Variants in USP8 observed in about 807,000 individuals in gnomAD.
The protein encoded by USP8 is ubiquitin specific peptidase 8, also known as ubiquitin carboxyl-terminal hydrolase 8.
In USP8, 27 loss-of-function variants were observed where a neutral mutation model predicts 130.0. The ratio of observed to expected loss-of-function variants is 0.21; its 90% CI spans 0.15 to 0.29. The LOEUF (loss-of-function observed/expected upper bound fraction) is 0.29, where lower values mean the gene tolerates loss of function less well. Among genes scored for constraint, USP8 ranks in the 10% least tolerant of loss-of-function variants. The probability of loss-of-function intolerance (pLI) is 1.00; values close to 1 mark genes in which losing one functional copy is unlikely to be tolerated. For missense variants in USP8, 1,029 were observed against 1,312.2 expected, an observed-to-expected ratio of 0.78 and a Z score of 3.33; for synonymous variants, 392 against 444.1, an observed-to-expected ratio of 0.88 and a Z score of 1.48.
intron 3 of USP8, among the ~76,000 whole-genome samples, chr15:50,441,765 AT>A (rs2050269092): frequency 6.6e-6 from 1 of 152,134 alleles, no homozygotes; most frequent in South Asian, 2.1e-4. Context: ...GTAATTAATA[AT>A]TGCCAGGTCA....
intron 1 of USP8, among the ~76,000 whole-genome samples, chr15:50,434,786 A>G (rs2050047016): frequency 6.6e-6 from 1 of 151,708 alleles, no homozygotes; most frequent in South Asian, 2.1e-4. Context: ...CGCCTGGCTA[A>G]TTTTTGTATT....
At chr15:50,431,069 G>A (rs527974925) in intron 1 of USP8, among the ~76,000 whole-genome samples, 47 of 152,098 alleles carry the variant, frequency 3.1e-4, no homozygotes, top group Middle Eastern at 3.4e-3. Flanking sequence ...GTTGAGAAAC[G>A]CTGCTGTAAA....
In USP8 at chr15:50,499,043, C is replaced by T. The variant is rs1182846231; in HGVS notation, c.3312C>T (p.Leu1104=). The change falls in exon 20 of 20, where the codon CTC becomes CTT. Residue 1104 remains leucine (L), a synonymous_variant. Transcript: ENST00000307179. ...TGAAATCTTCAGCAGCTTATATCCT[C>T]TTTTATACTTCATTGGGACCACGAG... ...SSVKSSAAYI[L]FYTSLGPRVT... The T allele has an allele frequency of 1.9e-6, 3 of 1,613,180 alleles. No homozygotes were observed. The highest frequency in any genetic ancestry group is 2.5e-6 in the Non-Finnish European group (3 of 1,179,622).
intron 7 of USP8, among the ~76,000 whole-genome samples, chr15:50,469,160 T>C (rs181344981): frequency 1.3e-5 from 2 of 152,332 alleles, no homozygotes; most frequent in East Asian, 3.9e-4. Flanking sequence ...TGTGTGAATA[T>C]AGCGCAATTT....
At chr15:50,493,982 A>C (rs2052277764) in intron 15 of USP8, 88 bp from the exon 16 acceptor site, 10 of 1,427,852 alleles carry the variant, frequency 7.0e-6, no homozygotes. Flanking sequence ...TATGTGAATA[A>C]TTTCATGTTG....
At chr15:50,453,031 G>A (rs1483339495) in intron 4 of USP8, among the ~76,000 whole-genome samples, 2 of 152,152 alleles carry the variant, frequency 1.3e-5, no homozygotes, top group East Asian at 1.9e-4. Flanking sequence ...GGAAAGTGGT[G>A]TTGATATTTC....
intron 1 of USP8, among the ~76,000 whole-genome samples, chr15:50,425,485 T>C (rs1329669263): frequency 6.6e-6 from 1 of 152,232 alleles, no homozygotes; most frequent in African/African-American, 2.4e-5. Flanking sequence ...TCATTCATGA[T>C]GGATTTGGGT....
intron 11 of USP8, among the ~76,000 whole-genome samples, chr15:50,483,310 T>C (rs1456433740): frequency 6.6e-6 from 1 of 152,222 alleles, no homozygotes; most frequent in Non-Finnish European, 1.5e-5. Flanking sequence ...TTCATATTTG[T>C]GGAGTCATTT....
chr15:50,446,211 G>A (rs1359117174), intron 3 of USP8, among the ~76,000 whole-genome samples: 2 of 152,114 alleles, frequency 1.3e-5, no homozygotes, highest in Non-Finnish European at 1.5e-5. Context: ...ATAATTGGAT[G>A]TTATCTTTTT....
Position 50,511,718 on chromosome 15 carries a change from C to T in USP8, c.*12630C>T, listed in dbSNP as rs1249109112. On this transcript the variant is annotated 3_prime_UTR_variant, in exon 20 of 20. Transcript: ENST00000307179. ...GTTTATTAAAATACCCAGAATAGGC[C>T]AGGCACTGTGGCTCACGCCTGTAAT... 1 of 152,206 alleles carries T rather than the reference C, an allele frequency of 6.6e-6. No individual in the cohort carries two copies. Among genetic ancestry groups the T allele is most frequent in the Non-Finnish European group, 1.5e-5 (1 of 68,046 alleles). 9.4% of individuals were successfully genotyped at this position (152,206 alleles called of 1,614,324 possible).
intron 17 of USP8, among the ~76,000 whole-genome samples, 180 bp downstream of exon 17, chr15:50,496,264 G>A (rs571414874): frequency 2.0e-5 from 3 of 152,092 alleles, no homozygotes; most frequent in East Asian, 1.9e-4. Flanking sequence ...GGCGGATCAC[G>A]AGGTCAGGAG....
chr15:50,487,873 A>C (rs1014787487), intron 12 of USP8, among the ~76,000 whole-genome samples: 3 of 152,174 alleles, frequency 2.0e-5, no homozygotes, highest in African/African-American at 7.2e-5. Flanking sequence ...TAAAATCCCT[A>C]AGGTCATAAT....
At chr15:50,494,412 A>G (rs556935036) in intron 16 of USP8, 132 bp downstream of exon 16, 11 of 714,308 alleles carry the variant, frequency 1.5e-5, no homozygotes, top group Non-Finnish European at 2.4e-5. Context: ...ACTGTATAAG[A>G]GAATTATAAA....
rs1405997135 is a variant in USP8 at position 50,508,381 on chromosome 15, C to T, written c.*9293C>T. On this transcript the variant is annotated 3_prime_UTR_variant, in exon 20 of 20. Coordinates refer to ENST00000307179, the MANE Select transcript of USP8 (RefSeq NM_005154.5). Reference sequence around the variant, plus strand: ...GATCATTTATTTTATATTCAAATATCTTGCTTCAGCAAGCTAGTTGATGGA... The same window carrying T: ...GATCATTTATTTTATATTCAAATATTTTGCTTCAGCAAGCTAGTTGATGGA... 1 of 152,096 alleles carries T rather than the reference C, an allele frequency of 6.6e-6. No individual in the cohort carries two copies. The highest frequency in any genetic ancestry group is 1.5e-5 in the Non-Finnish European group (1 of 68,024). 9.4% of individuals were successfully genotyped at this position (152,096 alleles called of 1,614,324 possible). A position where few individuals can be genotyped will look rare whatever the true frequency, so the allele number is the denominator to read the frequency against.
chr15:50,467,133 T>G, intron 7 of USP8: 1 of 327,040 alleles, frequency 3.1e-6, no homozygotes, highest in Non-Finnish European at 5.7e-6. Flanking sequence ...TACTGGTTGT[T>G]AAAAATATAT....
intron 3 of USP8, among the ~76,000 whole-genome samples, chr15:50,441,781 G>T (rs41444349): frequency 0.033 from 4,967 of 152,120 alleles, 116 homozygotes; most frequent in African/African-American, 0.049. Context: ...AGGTCAAGTA[G>T]AAGGATTGAG....
At chr15:50,439,459 C>T (rs867969033) in intron 2 of USP8, among the ~76,000 whole-genome samples, 63 of 152,188 alleles carry the variant, frequency 4.1e-4, no homozygotes, top group Middle Eastern at 3.4e-3. Context: ...AAAATTCAGC[C>T]AGAAGTCATT....
rs2051379986 is a variant in USP8 at position 50,471,614 on chromosome 15, A to G, written c.687-19A>G. 1 of 1,601,328 alleles carries G rather than the reference A, an allele frequency of 6.2e-7. No individual in the cohort carries two copies. The highest frequency in any genetic ancestry group is 8.5e-7 in the Non-Finnish European group (1 of 1,176,070). ...CTCTTGTTGACTTTTGCCCCAATTT[A>G]AATATTAATACATTTCAGAGTCACT... On this transcript the variant is annotated intron_variant, in intron 7 of 19. Coordinates refer to ENST00000307179, the MANE Select transcript of USP8 (RefSeq NM_005154.5).
intron 8 of USP8, among the ~76,000 whole-genome samples, chr15:50,474,164 T>C (rs570911498): frequency 6.6e-6 from 1 of 152,088 alleles, no homozygotes; most frequent in South Asian, 2.1e-4. Flanking sequence ...TCCTAGCTAA[T>C]TTTATTTTAT....
Sources: gnomAD v4.1 joint callset for allele counts (sites outside exome capture counted in the v4.1 genomes callset) on GRCh38, gnomAD v4.1.1 for gene constraint, MANE v1.5 for transcripts, NCBI Gene and HGNC (gene_info 2026-07-23, HGNC 2026-07-21) for gene names.